SCAI: variants seen among roughly 807,000 people sequenced by gnomAD.
SCAI encodes protein SCAI.
Under a neutral mutation model 92.2 loss-of-function variants are expected in SCAI, and 24 were observed. That is an observed-to-expected ratio of 0.26 (90% CI 0.19 to 0.37). The LOEUF (loss-of-function observed/expected upper bound fraction) is 0.37. SCAI is among the 10% of genes least tolerant of loss of function. The pLI is 1.00. For synonymous variants in SCAI, 261 were observed against 258.6 expected, an observed-to-expected ratio of 1.01 and a Z score of -0.09; for missense variants, 450 against 736.2, an observed-to-expected ratio of 0.61 and a Z score of 4.50.
chr9:125,012,654 G>C (rs992639810), intron 9 of SCAI, among the ~76,000 whole-genome samples: 8 of 152,010 alleles, frequency 5.3e-5, no homozygotes, highest in Admixed American at 5.2e-4. Context: ...CCCAGGAATT[G>C]AACTCAGCTC....
chr9:125,106,123 A>ATATATATC, intron 2 of SCAI, among the ~76,000 whole-genome samples: 1 of 9,296 alleles, frequency 1.1e-4, no homozygotes, highest in Non-Finnish European at 2.8e-4. Flanking sequence ...AAAAAAAAAA[A>ATATATATC]TATATATATA....
chr9:125,045,704 T>G (rs1208214897), intron 3 of SCAI, among the ~76,000 whole-genome samples: 1 of 152,182 alleles, frequency 6.6e-6, no homozygotes, highest in African/African-American at 2.4e-5. Flanking sequence ...AGGAAAAACT[T>G]CTCGGAAGTA....
chr9:124,998,370 T>C (rs1005102959), intron 13 of SCAI, among the ~76,000 whole-genome samples: 1 of 152,062 alleles, frequency 6.6e-6, no homozygotes, highest in Admixed American at 6.6e-5. Flanking sequence ...GGAGAATCAC[T>C]TGAGCCTGGG....
intron 2 of SCAI, among the ~76,000 whole-genome samples, chr9:125,105,998 G>A (rs529382819): frequency 1.4e-5 from 2 of 147,120 alleles, no homozygotes; most frequent in Non-Finnish European, 3.0e-5. Context: ...TCAGGAGGCT[G>A]AGACAGGAGA....
intron 2 of SCAI, among the ~76,000 whole-genome samples, chr9:125,124,829 G>C (rs1835227274): frequency 6.6e-6 from 1 of 152,212 alleles, no homozygotes; most frequent in Non-Finnish European, 1.5e-5. Context: ...TTGAAAAAGA[G>C]TTTAAAGCCT....
intron 3 of SCAI, 54 bp downstream of exon 3, chr9:125,055,822 A>T: frequency 6.7e-7 from 1 of 1,498,144 alleles, no homozygotes; most frequent in Non-Finnish European, 8.9e-7. Flanking sequence ...ATCAGCCAGA[A>T]AAAAAACAAA....
intron 12 of SCAI, among the ~76,000 whole-genome samples, chr9:125,001,049 A>C (rs1832349755): frequency 6.6e-6 from 1 of 152,254 alleles, no homozygotes; most frequent in Non-Finnish European, 1.5e-5. Context: ...CATACAGATA[A>C]TTATAAATAA....
intron 14 of SCAI, among the ~76,000 whole-genome samples, chr9:124,978,427 C>A (rs1023356432): frequency 1.3e-5 from 2 of 152,146 alleles, no homozygotes; most frequent in Non-Finnish European, 2.9e-5. Context: ...GATGACAGAG[C>A]GAGACTCCAT....
rs143766435 is a variant in SCAI, at chr9:125,090,541, G to T, written c.99-34534C>A. 1.4e-3 allele frequency among the ~76,000 whole-genome samples: 208 copies of T among 152,218 alleles called. 1 individual carries two copies. The highest frequency in any genetic ancestry group is 2.5e-3 in the Non-Finnish European group (167 of 68,010). The stretch of plus-strand genomic sequence containing the variant: ...TCCCTAAACAAGAATTTTAACAACA[G>T]CCTAATGGGCTAGTTCATGAATCTA... On this transcript the variant is annotated intron_variant, in intron 2 of 17. Coordinates refer to ENST00000336505, the MANE Select transcript of SCAI (RefSeq NM_001144877.3).
At chr9:124,973,094 C>T (rs549656299) in intron 15 of SCAI, among the ~76,000 whole-genome samples, 48 of 152,240 alleles carry the variant, frequency 3.2e-4, no homozygotes, top group African/African-American at 1.1e-3. Flanking sequence ...AGTCTAAACA[C>T]GAAGTTTATT....
chr9:125,010,867 C>G (rs1159278630), intron 9 of SCAI, among the ~76,000 whole-genome samples: 1 of 152,180 alleles, frequency 6.6e-6, no homozygotes, highest in African/African-American at 2.4e-5. Context: ...GCAGCATTCA[C>G]GGTTCACGAA....
chr9:124,963,531 C>G (rs1228273454), intron 17 of SCAI, among the ~76,000 whole-genome samples: 1 of 151,818 alleles, frequency 6.6e-6, no homozygotes, highest in Non-Finnish European at 1.5e-5. Context: ...AGGAGGATCA[C>G]TTGAGGCCAG....
rs182976057 is a variant in SCAI, at chr9:124,943,694, A to G, written c.*9113T>C. ...TTTCTGCCTAATAATCAGAATGTAGACAATAAGTTCAGCATTATTTTCAAG... is the reference window on the plus strand; with the variant it reads ...TTTCTGCCTAATAATCAGAATGTAGGCAATAAGTTCAGCATTATTTTCAAG... On this transcript the variant is annotated 3_prime_UTR_variant, in exon 18 of 18. Transcript: ENST00000336505. The G allele has an allele frequency of 6.6e-6, 1 of 152,350 alleles. No individual in the cohort carries two copies. The highest frequency in any genetic ancestry group is 1.9e-4 in the East Asian group (1 of 5,188). The allele number at this position is 152,350 out of a possible 1,614,324, so 9.4% of individuals were successfully genotyped here.
chr9:125,018,833 G>T lies in SCAI; in HGVS notation c.827C>A (p.Ala276Asp), dbSNP rs1832814045. ...ACAATTACCAATAATGAGTGCGTCA[G>T]CCAGAGACAACTGTCCCACAATCAT... ...QGMIVGQLSL[A>D]DALIIGNCNN... is the part of the protein sequence containing the mutation. The change falls in exon 9 of 18, where the codon GCT becomes GAT. Residue 276 changes from alanine (A) to aspartate (D), a missense_variant. Around this residue, in one of 3 missense-constraint regions of SCAI, gnomAD observed 360 missense variants for 601.8 expected, o/e 0.60. Transcript: ENST00000336505. 1.2e-6 allele frequency: 2 copies of T among 1,612,982 alleles called. No homozygotes were observed. Among genetic ancestry groups the T allele is most frequent in the Non-Finnish European group, 1.7e-6 (2 of 1,179,668 alleles).
intron 3 of SCAI, among the ~76,000 whole-genome samples, chr9:125,046,715 A>C (rs979230812): frequency 1.3e-5 from 2 of 150,892 alleles, no homozygotes; most frequent in African/African-American, 2.4e-5. Flanking sequence ...AAAAAAAAAA[A>C]AAAACTAACT....
At chr9:125,104,841 C>G (rs1017282044) in intron 2 of SCAI, among the ~76,000 whole-genome samples, 2 of 151,912 alleles carry the variant, frequency 1.3e-5, no homozygotes, top group African/African-American at 4.8e-5. Context: ...ACCTGTAATC[C>G]CACCTGCTCA....
chr9:124,961,192 T>G (rs1263341158), intron 17 of SCAI, among the ~76,000 whole-genome samples: 1 of 151,754 alleles, frequency 6.6e-6, no homozygotes, highest in African/African-American at 2.4e-5. Context: ...CCAGCTATGT[T>G]TGATGCTGAG....
intron 3 of SCAI, among the ~76,000 whole-genome samples, chr9:125,042,202 T>C (rs1183139813): frequency 6.6e-6 from 1 of 152,174 alleles, no homozygotes; most frequent in Non-Finnish European, 1.5e-5. Context: ...TTCCAAGATT[T>C]TGGAGGAAAG....
At chr9:125,126,614 G>C (rs543272578) in intron 2 of SCAI, among the ~76,000 whole-genome samples, 13 of 151,798 alleles carry the variant, frequency 8.6e-5, no homozygotes, top group African/African-American at 3.1e-4. Context: ...GAACACACAT[G>C]CAAGGCAGAA....
Sources: allele counts gnomAD v4.1 joint callset (sites outside exome capture counted in the v4.1 genomes callset), GRCh38; gene constraint gnomAD v4.1.1; regional missense constraint gnomAD v4.1.1; transcripts MANE v1.5; gene names NCBI Gene and HGNC (gene_info 2026-07-23, HGNC 2026-07-21).